Variants in PEBP4 observed in about 807,000 individuals in gnomAD.
PEBP4 encodes phosphatidylethanolamine binding protein 4.
In PEBP4, 22 loss-of-function variants were observed where a neutral mutation model predicts 23.9. The ratio of observed to expected loss-of-function variants is 0.92; its 90% CI spans 0.66 to 1.31. PEBP4 has a LOEUF of 1.31. Among genes scored for constraint, PEBP4 ranks in the 40% most tolerant of loss-of-function variants. The pLI is 0.00. For synonymous variants in PEBP4, 112 were observed against 99.3 expected (o/e 1.13, Z -0.76); for missense variants, 324 against 281.7 (o/e 1.15, Z -1.07).
chr8:22,765,973 C>A (rs1201883546), intron 4 of PEBP4, among the ~76,000 whole-genome samples: 1 of 152,264 alleles, frequency 6.6e-6, no homozygotes, highest in Non-Finnish European at 1.5e-5. Flanking sequence ...GTGTTTAAGA[C>A]CAAGCGAGGA....
intron 3 of PEBP4, among the ~76,000 whole-genome samples, chr8:22,896,702 C>T (rs1037422013): frequency 6.6e-6 from 1 of 152,144 alleles, no homozygotes; most frequent in Non-Finnish European, 1.5e-5. Flanking sequence ...CAGCATTACA[C>T]AGAGGTTGCA....
chr8:22,882,603 G>A (rs945218284), intron 3 of PEBP4, among the ~76,000 whole-genome samples: 2 of 152,208 alleles, frequency 1.3e-5, no homozygotes, highest in Non-Finnish European at 2.9e-5. Context: ...AACTATGAAG[G>A]TGTATTAATC....
intron 1 of PEBP4, among the ~76,000 whole-genome samples, chr8:22,934,966 A>C (rs1423533909): frequency 6.6e-6 from 1 of 152,224 alleles, no homozygotes; most frequent in Non-Finnish European, 1.5e-5. Context: ...AGGGATGGCT[A>C]TATTAATATC....
chr8:22,733,504 C>T (rs989689292), intron 4 of PEBP4, among the ~76,000 whole-genome samples: 8 of 151,906 alleles, frequency 5.3e-5, no homozygotes, highest in Non-Finnish European at 8.8e-5. Flanking sequence ...CACTGCTGGT[C>T]CCAGCAGGGA....
chr8:22,873,295 A>AT (rs1428544321), intron 3 of PEBP4, among the ~76,000 whole-genome samples: 1 of 152,144 alleles, frequency 6.6e-6, no homozygotes, highest in East Asian at 1.9e-4. Context: ...ACAACTTTAT[A>AT]TTTTTCCATT....
chr8:22,930,466 C>T (rs557836485), upstream of PEBP4, among the ~76,000 whole-genome samples: 3 of 152,146 alleles, frequency 2.0e-5, no homozygotes, highest in South Asian at 4.2e-4. Flanking sequence ...GGAGGCAGCA[C>T]GGAGACTGTC....
chr8:22,740,670 C>T (rs1804970198), intron 4 of PEBP4, among the ~76,000 whole-genome samples: 2 of 152,134 alleles, frequency 1.3e-5, no homozygotes, highest in South Asian at 4.1e-4. Flanking sequence ...ACCTCCTTTC[C>T]TGTTCCTTCT....
In PEBP4 at chr8:22,805,622, G is replaced by A. The variant is rs576662828; in HGVS notation, c.357+12015C>T. Among the ~76,000 whole-genome samples the A allele has an allele frequency of 3.9e-5, 6 of 152,292 alleles. No individual in the cohort carries two copies. In the East Asian group the frequency reaches 5.8e-4, roughly 15 times the overall value. On this transcript the variant is annotated intron_variant, in intron 4 of 6. Coordinates refer to ENST00000256404, the MANE Select transcript of PEBP4 (RefSeq NM_144962.3). ...ACTACAGGCATGAGCCACCATGCCC[G>A]GCCATGATTGCCAGCATTAAGTTCG...
At chr8:22,805,065 A>T (rs1806467631) in intron 4 of PEBP4, among the ~76,000 whole-genome samples, 1 of 152,090 alleles carries the variant, frequency 6.6e-6, no homozygotes, top group Non-Finnish European at 1.5e-5. Context: ...CCCACTCTGT[A>T]ATGGAGTCAT....
intron 3 of PEBP4, among the ~76,000 whole-genome samples, chr8:22,879,031 G>C (rs1376597545): frequency 6.6e-6 from 1 of 152,196 alleles, no homozygotes; most frequent in Non-Finnish European, 1.5e-5. Context: ...GACTGAAAGA[G>C]AGGACAAGCC....
At chr8:22,804,508 G>A (rs1467660123) in intron 4 of PEBP4, among the ~76,000 whole-genome samples, 4 of 151,712 alleles carry the variant, frequency 2.6e-5, no homozygotes, top group African/African-American at 4.8e-5. Flanking sequence ...CACTTAACAC[G>A]AGATCCACCC....
At chr8:22,856,028 C>T (rs1440029022) in intron 3 of PEBP4, among the ~76,000 whole-genome samples, 15 of 112,792 alleles carry the variant, frequency 1.3e-4, no homozygotes, top group East Asian at 2.8e-4. Flanking sequence ...CCAGCCTGGG[C>T]GAGGGTGAGA....
At chr8:22,868,792 G>C (rs1441126391) in intron 3 of PEBP4, among the ~76,000 whole-genome samples, 1 of 152,096 alleles carries the variant, frequency 6.6e-6, no homozygotes, top group Admixed American at 6.5e-5. Flanking sequence ...CACCTCCTCT[G>C]TCATCTCCTA....
intron 4 of PEBP4, among the ~76,000 whole-genome samples, chr8:22,803,167 G>A (rs1315841751): frequency 6.6e-6 from 1 of 152,174 alleles, no homozygotes; most frequent in Non-Finnish European, 1.5e-5. Context: ...TAAAGTCGCA[G>A]CACCTGAGGG....
At chr8:22,788,360 G>C (rs115284446) in intron 4 of PEBP4, among the ~76,000 whole-genome samples, 1 of 152,120 alleles carries the variant, frequency 6.6e-6, no homozygotes, top group Non-Finnish European at 1.5e-5. Context: ...GGGAGAAATG[G>C]CAAGTGCAGC....
chr8:22,818,381 G>A (rs951299959), intron 3 of PEBP4, among the ~76,000 whole-genome samples: 5 of 152,308 alleles, frequency 3.3e-5, no homozygotes, highest in African/African-American at 1.2e-4. Flanking sequence ...AAACAGGGTG[G>A]GATGAGAGGT....
chr8:22,768,446 C>T (rs896847699), intron 4 of PEBP4, among the ~76,000 whole-genome samples: 1 of 152,198 alleles, frequency 6.6e-6, no homozygotes, highest in Non-Finnish European at 1.5e-5. Context: ...GAGCCCCCCA[C>T]GACAGCCTCA....
intron 1 of PEBP4, among the ~76,000 whole-genome samples, chr8:22,934,966 A>G (rs1423533909): frequency 6.6e-6 from 1 of 152,224 alleles, no homozygotes; most frequent in East Asian, 1.9e-4. Flanking sequence ...AGGGATGGCT[A>G]TATTAATATC....
At chr8:22,809,840 A>G (rs1042974843) in intron 4 of PEBP4, among the ~76,000 whole-genome samples, 1 of 152,226 alleles carries the variant, frequency 6.6e-6, no homozygotes, top group African/African-American at 2.4e-5. Context: ...ATCTGTGGCC[A>G]GGAGAGACAA....
Sources: allele counts gnomAD v4.1 joint callset (sites outside exome capture counted in the v4.1 genomes callset), GRCh38; gene constraint gnomAD v4.1.1; transcripts MANE v1.5; gene names NCBI Gene and HGNC (gene_info 2026-07-23, HGNC 2026-07-21).